RHOA: variants seen among roughly 807,000 people sequenced by gnomAD.
The protein encoded by RHOA is transforming protein RhoA.
Under a neutral mutation model 17.5 loss-of-function variants are expected in RHOA, and 3 were observed. The ratio of observed to expected loss-of-function variants is 0.17; its 90% CI spans 0.08 to 0.44. The LOEUF (loss-of-function observed/expected upper bound fraction) is 0.44. Among genes scored for constraint, RHOA ranks in the 20% least tolerant of loss-of-function variants. The probability of loss-of-function intolerance (pLI) is 0.99; values close to 1 mark genes in which losing one functional copy is unlikely to be tolerated. For synonymous variants in RHOA, 98 were observed against 88.4 expected (o/e 1.11, Z -0.61); for missense variants, 56 against 242.3 (o/e 0.23, Z 5.10).
At chr3:49,400,028 A>T (rs576886644) in intron 1 of RHOA, among the ~76,000 whole-genome samples, 216 of 151,778 alleles carry the variant, frequency 1.4e-3, no homozygotes, top group Non-Finnish European at 2.2e-3. Flanking sequence ...CTGACCAACA[A>T]GGTGAAACCC....
Position 49,360,302 on chromosome 3 carries a change from G to T in RHOA, c.489C>A (p.Thr163=). 2.5e-6 allele frequency: 4 copies of T among 1,613,884 alleles called. No individual in the cohort carries two copies. The highest frequency in any genetic ancestry group is 3.4e-6 in the Non-Finnish European group (4 of 1,180,000). The change falls in exon 5 of 5, where the codon ACC becomes ACA. Residue 163 remains threonine, a synonymous_variant. Transcript: ENST00000418115. ...CAAAAACCTCTCTCACTCCATCTTT[G>T]GTCTTTGCTGAACACTCCATGTACC... ...AFGYMECSAK[T]KDGVREVFEM...
Position 49,404,433 on chromosome 3 carries a change from A to AACAC in RHOA, c.-3+7383_-3+7386dup, listed in dbSNP as rs374020319. ...CAAAGTAAAACCCCGTCTCTAGTAA[A>AACAC]ACACACACACACACACACACACACA... is the stretch of plus-strand genomic sequence containing the variant. On this transcript the variant is annotated intron_variant, in intron 1 of 4. Coordinates refer to ENST00000418115, the MANE Select transcript of RHOA (RefSeq NM_001664.4). 7.3e-4 allele frequency among the ~76,000 whole-genome samples: 66 copies of AACAC among 90,756 alleles called. 1 individual carries two copies. The highest frequency in any genetic ancestry group is 6.9e-3 in the Middle Eastern group (1 of 144). The allele number at this position is 90,756 out of a possible 152,430, so 59.5% of individuals were successfully genotyped here.
At chr3:49,411,283 TAC>T (rs2048930574) in intron 1 of RHOA, among the ~76,000 whole-genome samples, 3 of 152,332 alleles carry the variant, frequency 2.0e-5, no homozygotes, top group Non-Finnish European at 4.4e-5. Flanking sequence ...TTTACTTACT[TAC>T]ACAGTCTCCA....
rs569321650 is a variant in RHOA, at chr3:49,375,527, C to T, written c.63G>A (p.Leu21=). The T allele has an allele frequency of 1.2e-6, 2 of 1,614,090 alleles. No individual in the cohort carries two copies. Among genetic ancestry groups the T allele is most frequent in the East Asian group, 2.2e-5 (1 of 44,888 alleles). The change falls in exon 2 of 5, where the codon TTG becomes TTA. Residue 21 remains leucine (L), a synonymous_variant. Coordinates refer to ENST00000418115, the MANE Select transcript of RHOA (RefSeq NM_001664.4). ...VGDGACGKTC[L]LIVFSKDQFP... is the part of the protein sequence containing the mutation. ...ACTGGTCCTTGCTGAAGACTATGAG[C>T]AAGCATGTCTTTCCACAGGCTCCAT...
At chr3:49,363,864 C>A (rs1326058837) in intron 3 of RHOA, among the ~76,000 whole-genome samples, 2 of 151,476 alleles carry the variant, frequency 1.3e-5, no homozygotes, top group Non-Finnish European at 1.5e-5. Context: ...TCAAAAAAGT[C>A]AAAAACCCCA....
intron 1 of RHOA, among the ~76,000 whole-genome samples, chr3:49,404,618 A>C (rs1342407023): frequency 9.8e-5 from 14 of 142,574 alleles, no homozygotes; most frequent in Non-Finnish European, 1.8e-4. Flanking sequence ...TCTCAAAAAA[A>C]AAAAAAAAAA....
intron 1 of RHOA, among the ~76,000 whole-genome samples, chr3:49,397,479 A>T (rs1163371980): frequency 6.6e-6 from 1 of 152,190 alleles, no homozygotes; most frequent in Non-Finnish European, 1.5e-5. Flanking sequence ...ATTATATCTC[A>T]GTAAAATTGT....
chr3:49,389,644 A>G (rs1244791177), intron 1 of RHOA, among the ~76,000 whole-genome samples: 1 of 152,088 alleles, frequency 6.6e-6, no homozygotes, highest in Non-Finnish European at 1.5e-5. Context: ...AACTTACAAT[A>G]AATAAAAGTT....
At chr3:49,387,277 T>C (rs182498655) in intron 1 of RHOA, among the ~76,000 whole-genome samples, 128 of 143,820 alleles carry the variant, frequency 8.9e-4, no homozygotes, top group African/African-American at 3.0e-3. Context: ...ACCCCATCTC[T>C]ACTAAAAATA....
At chr3:49,384,183 G>C (rs958431589) in intron 1 of RHOA, among the ~76,000 whole-genome samples, 3 of 152,194 alleles carry the variant, frequency 2.0e-5, no homozygotes, top group African/African-American at 7.2e-5. Flanking sequence ...TGGGATACTG[G>C]GAGTGCGGCA....
At chr3:49,410,292 G>A (rs1043716487) in intron 1 of RHOA, among the ~76,000 whole-genome samples, 2 of 152,106 alleles carry the variant, frequency 1.3e-5, no homozygotes, top group South Asian at 2.1e-4. Flanking sequence ...TTAAGTCTCT[G>A]GGACTCAGTT....
intron 2 of RHOA, 88 bp downstream of exon 2, chr3:49,375,346 G>T: frequency 7.7e-7 from 1 of 1,291,304 alleles, no homozygotes; most frequent in Non-Finnish European, 1.1e-6. Context: ...ATGGTATACT[G>T]AAGAGGCAAA....
Position 49,360,158 on chromosome 3 carries a change from T to C in RHOA, c.*51A>G. 1 of 1,539,272 alleles carries C rather than the reference T, an allele frequency of 6.5e-7. No individual in the cohort carries two copies. Among genetic ancestry groups the C allele is most frequent in the Admixed American group, 2.0e-5 (1 of 49,066 alleles). ...GCCAGTAATCATACACTAAGATTAA[T>C]AAACAGCACTTCAAAATTAACCGCA... On this transcript the variant is annotated 3_prime_UTR_variant, in exon 5 of 5. Coordinates refer to ENST00000418115, the MANE Select transcript of RHOA (RefSeq NM_001664.4).
chr3:49,377,263 G>C (rs1432345278), intron 1 of RHOA, among the ~76,000 whole-genome samples: 1 of 151,588 alleles, frequency 6.6e-6, no homozygotes, highest in African/African-American at 2.4e-5. Context: ...GAGACACTGA[G>C]AAAGGAAGGA....
intron 4 of RHOA, among the ~76,000 whole-genome samples, chr3:49,362,071 C>G (rs578181380): frequency 6.6e-6 from 1 of 151,774 alleles, no homozygotes; most frequent in South Asian, 2.1e-4. Context: ...CCTGTAGTCC[C>G]AGCTACTCGG....
At chr3:49,403,945 ACTCCCACTACC>A (rs1444915223) in intron 1 of RHOA, among the ~76,000 whole-genome samples, 2 of 151,328 alleles carry the variant, frequency 1.3e-5, no homozygotes, top group Admixed American at 6.6e-5. Context: ...TTAGGGTGCT[ACTCCCACTACC>A]CTCCCACCAC....
chr3:49,400,571 T>C (rs1178056610), intron 1 of RHOA, among the ~76,000 whole-genome samples: 1 of 152,040 alleles, frequency 6.6e-6, no homozygotes, highest in African/African-American at 2.4e-5. Flanking sequence ...CAGAGAAGAC[T>C]GTATCAGGAC....
At chr3:49,401,041 C>CAAAAAAAAAAAAAA (rs57354041) in intron 1 of RHOA, among the ~76,000 whole-genome samples, 961 of 67,508 alleles carry the variant, frequency 0.014, 117 homozygotes, top group East Asian at 0.022. Context: ...GACTCCGTCT[C>CAAAAAAAAAAAAAA]AAAAAAAAAA....
At chr3:49,368,707 C>CTTTTTTTTT (rs374609508) in intron 2 of RHOA, among the ~76,000 whole-genome samples, 159 bp from the exon 3 acceptor site, 4 of 130,336 alleles carry the variant, frequency 3.1e-5, no homozygotes, top group Admixed American at 7.7e-5. Context: ...TTTCTTTTTT[C>CTTTTTTTTT]TTTTTTTTTT....
Sources: allele counts gnomAD v4.1 joint callset (sites outside exome capture counted in the v4.1 genomes callset), GRCh38; gene constraint gnomAD v4.1.1; transcripts MANE v1.5; gene names NCBI Gene and HGNC (gene_info 2026-07-23, HGNC 2026-07-21).